ACOT11: variants seen among roughly 807,000 people sequenced by gnomAD.
ACOT11 encodes the protein acyl-coenzyme A thioesterase 11.
Under a neutral mutation model 77.5 loss-of-function variants are expected in ACOT11, and 69 were observed. The ratio of observed to expected loss-of-function variants is 0.89; its 90% CI spans 0.73 to 1.09. The LOEUF (loss-of-function observed/expected upper bound fraction) is 1.09, where lower values mean the gene tolerates loss of function less well. ACOT11 is among the 50% of genes least tolerant of loss of function. The probability of loss-of-function intolerance (pLI) is 0.00; values close to 1 mark genes in which losing one functional copy is unlikely to be tolerated. For missense variants in ACOT11, 766 were observed against 813.7 expected (o/e 0.94, Z 0.71); for synonymous variants, 279 against 313.0 (o/e 0.89, Z 1.15).
intron 1 of ACOT11, among the ~76,000 whole-genome samples, chr1:54,557,372 A>C (rs1305516256): frequency 6.8e-6 from 1 of 146,646 alleles, no homozygotes; most frequent in Non-Finnish European, 1.5e-5. Flanking sequence ...AGCCTGAGTG[A>C]CAGAGAAAGA....
intron 3 of ACOT11, among the ~76,000 whole-genome samples, chr1:54,590,684 C>T (rs559165675): frequency 2.6e-5 from 4 of 152,254 alleles, no homozygotes; most frequent in African/African-American, 9.6e-5. Context: ...TGGTCACCAC[C>T]ACTGAGACCC....
In ACOT11 at chr1:54,609,839, T is replaced by C; in HGVS notation, c.*727T>C. On this transcript the variant is annotated 3_prime_UTR_variant, in exon 16 of 16. Transcript: ENST00000343744. ...TGTGGCCAGCTGCTGCAGGCAGGAC[T>C]CCAGCGTCAGGATGTTGCCACTTGG... The C allele has an allele frequency of 6.2e-7, 1 of 1,614,132 alleles. No individual in the cohort carries two copies. The highest frequency in any genetic ancestry group is 1.7e-4 in the Middle Eastern group (1 of 6,058).
exon 17 of ACOT11, chr1:54,634,809 T>C: frequency 1.5e-6 from 1 of 679,876 alleles, no homozygotes; most frequent in Admixed American, 2.2e-5. Flanking sequence ...ACGTAGAGAC[T>C]GACGCTGAGG....
chr1:54,569,305 C>T (rs1056367782), intron 1 of ACOT11, among the ~76,000 whole-genome samples: 4 of 152,064 alleles, frequency 2.6e-5, no homozygotes, highest in South Asian at 2.1e-4. Flanking sequence ...CAGCTAGAAT[C>T]GGCCCCTTCC....
chr1:54,554,351 A>ATATATAT lies in ACOT11; in HGVS notation c.33+6010_33+6011insATATATT, dbSNP rs1553161034. ...TGTGTGTGTATATATATATATATATATTTTTTTTTTTTTTTTTTGAGATGG... is the reference window on the plus strand; with the variant it reads ...TGTGTGTGTATATATATATATATATATATATATTTTTTTTTTTTTTTTTTTGAGATGG... On this transcript the variant is annotated intron_variant, in intron 1 of 15. Coordinates refer to ENST00000343744, the MANE Select transcript of ACOT11 (RefSeq NM_147161.4). Among the ~76,000 whole-genome samples, 65 of 97,254 alleles carry ATATATAT rather than the reference A, an allele frequency of 6.7e-4. 2 individuals are homozygous for ATATATAT. The East Asian group carries it at 9.4e-3, about 14-fold the overall frequency. The allele number at this position is 97,254 out of a possible 152,430, so 63.8% of individuals were successfully genotyped here.
intron 16 of ACOT11, among the ~76,000 whole-genome samples, chr1:54,632,811 A>G (rs1349332769): frequency 6.6e-6 from 1 of 152,190 alleles, no homozygotes; most frequent in African/African-American, 2.4e-5. Flanking sequence ...TCAATTTAAC[A>G]TAGTTGGAGT....
intron 9 of ACOT11, 136 bp from the exon 10 acceptor site, chr1:54,602,533 T>G: frequency 9.1e-6 from 7 of 770,044 alleles, no homozygotes; most frequent in African/African-American, 1.8e-5. Flanking sequence ...CTGGCCAGGA[T>G]GTTTTGATTC....
At chr1:54,586,390 G>A (rs1327383505) in intron 3 of ACOT11, among the ~76,000 whole-genome samples, 1 of 151,934 alleles carries the variant, frequency 6.6e-6, no homozygotes, top group Non-Finnish European at 1.5e-5. Flanking sequence ...TCCTTCCAGG[G>A]ATGAGGAGCT....
chr1:54,620,084 C>A, intron 15 of ACOT11: 1 of 1,467,826 alleles, frequency 6.8e-7, no homozygotes, highest in Admixed American at 1.9e-5. Context: ...TCCCATGACC[C>A]TCCCTGGGCT....
In ACOT11 at chr1:54,584,966, C is replaced by G. The variant is rs1157131697; in HGVS notation, c.241+104C>G. The G allele has an allele frequency of 2.4e-6, 3 of 1,258,036 alleles. No homozygotes were observed. Among genetic ancestry groups the G allele is most frequent in the Non-Finnish European group, 3.3e-6 (3 of 914,336 alleles). The allele number at this position is 1,258,036 out of a possible 1,614,324, so 77.9% of individuals were successfully genotyped here. The stretch of plus-strand genomic sequence containing the variant: ...TCCACCCTAAGTGCCACACTTGTTT[C>G]TCATCTTGGCCTTTGCTCATGCTGG... On this transcript the variant is annotated intron_variant, in intron 2 of 15. Coordinates refer to ENST00000343744, the MANE Select transcript of ACOT11 (RefSeq NM_147161.4). This position sits in a 1 kb window ranked among gnomAD's most constrained non-coding sequence, Gnocchi z 6.3.
intron 9 of ACOT11, among the ~76,000 whole-genome samples, chr1:54,601,999 G>A (rs1643970192): frequency 6.6e-6 from 1 of 152,264 alleles, no homozygotes; most frequent in Admixed American, 6.5e-5. Context: ...CTCCCTTGGG[G>A]GAGGTCCCCT....
intron 5 of ACOT11, 49 bp downstream of exon 5, chr1:54,594,088 C>G: frequency 2.0e-6 from 3 of 1,531,862 alleles, no homozygotes; most frequent in South Asian, 1.1e-5. Context: ...GACCTGGGCA[C>G]CTGCCATGGC....
chr1:54,564,460 C>T lies in ACOT11; in HGVS notation c.33+16118C>T, dbSNP rs968695368. On this transcript the variant is annotated intron_variant, in intron 1 of 15. Coordinates refer to ENST00000343744, the MANE Select transcript of ACOT11 (RefSeq NM_147161.4). ...TCTTATTTACGACCTCTAGAATAGG[C>T]TGTGATCTGCCCTGGGGCGTGGCCC... Among the ~76,000 whole-genome samples the T allele has an allele frequency of 4.6e-5, 7 of 151,764 alleles. No homozygotes were observed. The Admixed American group carries it at 4.6e-4, about 10-fold the overall frequency.
At chr1:54,624,329 GA>G (rs1458454748) in intron 15 of ACOT11, among the ~76,000 whole-genome samples, 1 of 145,290 alleles carries the variant, frequency 6.9e-6, no homozygotes, top group Non-Finnish European at 1.5e-5. Flanking sequence ...AGGGTGTCTA[GA>G]ATGATGCCCA....
At chr1:54,552,380 G>A (rs1408876277) in intron 1 of ACOT11, among the ~76,000 whole-genome samples, 1 of 152,180 alleles carries the variant, frequency 6.6e-6, no homozygotes, top group African/African-American at 2.4e-5. Context: ...GTCCTAGAAG[G>A]CTTCCTGGAG....
chr1:54,562,309 TG>T (rs1227358313), intron 1 of ACOT11, among the ~76,000 whole-genome samples: 21 of 51,018 alleles, frequency 4.1e-4, no homozygotes, highest in Admixed American at 1.4e-3. Context: ...GCTGGCCGGG[TG>T]GGGGGGCTGA....
At chr1:54,558,575 G>A (rs1653351740) in intron 1 of ACOT11, among the ~76,000 whole-genome samples, 1 of 152,202 alleles carries the variant, frequency 6.6e-6, no homozygotes, top group East Asian at 1.9e-4. Context: ...TGAGAAGGCA[G>A]CCTTGGGAAG....
intron 15 of ACOT11, among the ~76,000 whole-genome samples, chr1:54,623,961 T>A (rs1363209656): frequency 1.3e-5 from 2 of 152,202 alleles, no homozygotes; most frequent in Non-Finnish European, 2.9e-5. Flanking sequence ...GGGGCAATAA[T>A]CTTCCTTTCA....
chr1:54,618,996 A>G (rs890932605), intron 15 of ACOT11, among the ~76,000 whole-genome samples: 1 of 152,182 alleles, frequency 6.6e-6, no homozygotes, highest in Non-Finnish European at 1.5e-5. Flanking sequence ...GTAATTATTA[A>G]TAATGACCTC....
Sources: allele counts gnomAD v4.1 joint callset (sites outside exome capture counted in the v4.1 genomes callset), GRCh38; gene constraint gnomAD v4.1.1; non-coding constraint Gnocchi (gnomAD v3.1); transcripts MANE v1.5; gene names NCBI Gene and HGNC (gene_info 2026-07-23, HGNC 2026-07-21).